Variants in ATP8A2 observed in about 807,000 individuals in gnomAD.
ATP8A2 encodes the protein ATPase phospholipid transporting 8A2.
ATP8A2 carries 100 observed loss-of-function variants against 165.6 expected under a neutral mutation model. That is an observed-to-expected ratio of 0.60 (90% confidence interval 0.51 to 0.71). The LOEUF (loss-of-function observed/expected upper bound fraction) is 0.71, where lower values mean the gene tolerates loss of function less well. Ranked by LOEUF, ATP8A2 falls within the 30% of genes least tolerant of loss-of-function variation. ATP8A2 has a pLI of 0.00. For synonymous variants in ATP8A2, 543 were observed against 548.8 expected, an observed-to-expected ratio of 0.99 and a Z score of 0.15; for missense variants, 1,227 against 1,479.5, an observed-to-expected ratio of 0.83 and a Z score of 2.80.
At chr13:25,739,007 G>C (rs553965232) in intron 25 of ATP8A2, among the ~76,000 whole-genome samples, 1 of 152,306 alleles carries the variant, frequency 6.6e-6, no homozygotes, top group South Asian at 2.1e-4. Context: ...GATGAGTGTG[G>C]GTGGGAGGCA....
At chr13:25,794,002 G>C in intron 27 of ATP8A2, among the ~76,000 whole-genome samples, 1 of 152,336 alleles carries the variant, frequency 6.6e-6, no homozygotes, top group East Asian at 1.9e-4. Flanking sequence ...TGGGGGAGAA[G>C]GAGGTAATCG....
At chr13:25,434,178 G>A (rs997979515) in intron 1 of ATP8A2, among the ~76,000 whole-genome samples, 2 of 152,106 alleles carry the variant, frequency 1.3e-5, no homozygotes, top group South Asian at 4.1e-4. Flanking sequence ...TCTGTGGTGC[G>A]AGGAATTCTT....
At chr13:25,597,952 A>G (rs1158747160) in intron 24 of ATP8A2, among the ~76,000 whole-genome samples, 1 of 151,610 alleles carries the variant, frequency 6.6e-6, no homozygotes, top group East Asian at 1.9e-4. Flanking sequence ...AGAGATATGT[A>G]CTTACTCTAG....
At chr13:25,625,649 G>T (rs2041081917) in intron 24 of ATP8A2, among the ~76,000 whole-genome samples, 1 of 152,208 alleles carries the variant, frequency 6.6e-6, no homozygotes, top group Non-Finnish European at 1.5e-5. Flanking sequence ...CAAGACGAAA[G>T]ATTTTGTTAA....
At chr13:25,384,498 A>C (rs1422865486) in intron 1 of ATP8A2, among the ~76,000 whole-genome samples, 1 of 151,760 alleles carries the variant, frequency 6.6e-6, no homozygotes. Context: ...ATTTTCCTTA[A>C]ATCTCTTTGT....
chr13:25,966,635 A>G (rs1955784122), intron 34 of ATP8A2, among the ~76,000 whole-genome samples: 1 of 152,182 alleles, frequency 6.6e-6, no homozygotes, highest in South Asian at 2.1e-4. Context: ...ATAGTATCAA[A>G]TTGCTGAGTA....
intron 33 of ATP8A2, among the ~76,000 whole-genome samples, chr13:25,925,808 A>G (rs1954589245): frequency 6.6e-6 from 1 of 151,010 alleles, no homozygotes. Flanking sequence ...GCTCACTGCA[A>G]CCTCCACCTC....
At chr13:25,839,840 T>G (rs535235557) in intron 30 of ATP8A2, among the ~76,000 whole-genome samples, 2 of 152,352 alleles carry the variant, frequency 1.3e-5, no homozygotes, top group Admixed American at 6.5e-5. Flanking sequence ...TCTTTCCAGT[T>G]GACTGGATAG....
chr13:25,414,338 G>A (rs1269322699), intron 1 of ATP8A2, among the ~76,000 whole-genome samples: 1 of 151,920 alleles, frequency 6.6e-6, no homozygotes, highest in Non-Finnish European at 1.5e-5. Context: ...TTACAAGCAT[G>A]TGCCACCACA....
intron 24 of ATP8A2, among the ~76,000 whole-genome samples, chr13:25,643,409 T>C (rs1199598475): frequency 6.6e-6 from 1 of 152,128 alleles, no homozygotes; most frequent in African/African-American, 2.4e-5. Context: ...GTGAACATTC[T>C]TGTATATAAC....
chr13:25,744,971 T>C (rs1056355715), intron 25 of ATP8A2, among the ~76,000 whole-genome samples: 3 of 152,190 alleles, frequency 2.0e-5, no homozygotes, highest in African/African-American at 7.2e-5. Flanking sequence ...TGGAGTCTCT[T>C]GCTCTGTCAC....
chr13:25,977,747 G>A (rs986566230), intron 35 of ATP8A2, among the ~76,000 whole-genome samples: 2 of 152,044 alleles, frequency 1.3e-5, no homozygotes, highest in Non-Finnish European at 2.9e-5. Context: ...CCTTTAAAAC[G>A]GTGCTGTGGC....
chr13:25,611,959 A>G (rs2040699408), intron 24 of ATP8A2, among the ~76,000 whole-genome samples: 1 of 151,840 alleles, frequency 6.6e-6, no homozygotes, highest in South Asian at 2.1e-4. Context: ...GATCTTTTGT[A>G]TTTCTGTGGT....
chr13:25,853,406 TATATGTATATATATATAG>T (rs1279611948), intron 30 of ATP8A2, among the ~76,000 whole-genome samples: 4 of 105,698 alleles, frequency 3.8e-5, no homozygotes, highest in African/African-American at 1.2e-4. Flanking sequence ...AATATATATA[TATATGTATATATATATAG>T]AATTTCTTAT....
At chr13:25,613,930 A>G (rs1396510983) in intron 24 of ATP8A2, among the ~76,000 whole-genome samples, 3 of 152,096 alleles carry the variant, frequency 2.0e-5, no homozygotes, top group African/African-American at 7.2e-5. Flanking sequence ...GGTTTCCTTC[A>G]TAGGTTACCT....
chr13:25,942,100 A>T (rs910315146), intron 33 of ATP8A2, among the ~76,000 whole-genome samples: 3 of 152,238 alleles, frequency 2.0e-5, no homozygotes, highest in African/African-American at 7.2e-5. Flanking sequence ...TTAAAAAAAA[A>T]CAACTGTTTT....
At chr13:25,671,171 T>A (rs1363413444) in intron 24 of ATP8A2, among the ~76,000 whole-genome samples, 2 of 152,220 alleles carry the variant, frequency 1.3e-5, no homozygotes, top group African/African-American at 4.8e-5. Flanking sequence ...TTGTTAAGAT[T>A]TCATGGACAC....
chr13:25,465,328 C>T (rs749098327), intron 1 of ATP8A2, among the ~76,000 whole-genome samples: 7 of 151,928 alleles, frequency 4.6e-5, no homozygotes, highest in Admixed American at 6.6e-5. Context: ...GGGACAGGTG[C>T]GGGGTGGTAT....
intron 25 of ATP8A2, among the ~76,000 whole-genome samples, chr13:25,710,966 A>G (rs2043147101): frequency 6.6e-6 from 1 of 151,190 alleles, no homozygotes; most frequent in Non-Finnish European, 1.5e-5. Context: ...TAGCGAACTG[A>G]GGCATAGACT....
Sources: gnomAD v4.1 joint callset for allele counts (sites outside exome capture counted in the v4.1 genomes callset) on GRCh38, gnomAD v4.1.1 for gene constraint, MANE v1.5 for transcripts, NCBI Gene and HGNC (gene_info 2026-07-23, HGNC 2026-07-21) for gene names.